Variants in CD180 observed in about 807,000 individuals in gnomAD.
The protein encoded by CD180 is CD180 molecule, also known as CD180 antigen.
A neutral mutation model predicts 10.7 loss-of-function variants in CD180; 11 were observed. That is an observed-to-expected ratio of 1.03 (90% CI 0.65 to 1.70). CD180 has a LOEUF of 1.70. CD180 is among the 40% of genes most tolerant of loss of function. The pLI, the probability that CD180 is intolerant of heterozygous loss-of-function variation, is 0.00. For missense variants in CD180, 729 were observed against 775.2 expected, an observed-to-expected ratio of 0.94 and a Z score of 0.71; for synonymous variants, 286 against 294.6, an observed-to-expected ratio of 0.97 and a Z score of 0.30.
intron 1 of CD180, 51 bp downstream of exon 1, chr5:67,196,501 C>T (rs761546034): frequency 6.3e-7 from 1 of 1,599,130 alleles, no homozygotes; most frequent in Non-Finnish European, 8.6e-7. Flanking sequence ...TGCTAAATCT[C>T]AAAATTTTCA....
At chr5:67,184,727 A>C in intron 2 of CD180, 142 bp from the exon 3 acceptor site, 1 of 693,614 alleles carries the variant, frequency 1.4e-6, no homozygotes, top group Non-Finnish European at 2.3e-6. Context: ...CAGATGGCCT[A>C]TTGAAGGAAT....
intron 1 of CD180, among the ~76,000 whole-genome samples, chr5:67,195,025 C>T (rs1353757366): frequency 6.6e-6 from 1 of 152,122 alleles, no homozygotes; most frequent in Non-Finnish European, 1.5e-5. Flanking sequence ...CAGGAAAGGC[C>T]ATGAGAGGAC....
chr5:67,189,383 A>G (rs1581828205), intron 1 of CD180, among the ~76,000 whole-genome samples: 1 of 152,342 alleles, frequency 6.6e-6, no homozygotes, highest in East Asian at 1.9e-4. Context: ...TAAATGAAGT[A>G]GCTTGGTTTC....
chr5:67,181,138 C>T lies in CD180; in HGVS notation c.*1719G>A, dbSNP rs1160644530. ...TCTTTAGGCAAAGACCCTCTCATGGCACTTGTATTTGGGAGAGACAAGACA... is the reference window on the plus strand; with the variant it reads ...TCTTTAGGCAAAGACCCTCTCATGGTACTTGTATTTGGGAGAGACAAGACA... On this transcript the variant is annotated 3_prime_UTR_variant, in exon 3 of 3. Coordinates refer to ENST00000256447, the MANE Select transcript of CD180 (RefSeq NM_005582.3). 6.6e-6 allele frequency: 1 copy of T among 152,116 alleles called. No homozygotes were observed. Among genetic ancestry groups the T allele is most frequent in the East Asian group, 1.9e-4 (1 of 5,188 alleles). The allele number at this position is 152,116 out of a possible 1,614,324, so 9.4% of individuals were successfully genotyped here.
At chr5:67,191,064 A>T (rs1561237404) in intron 1 of CD180, 2 of 985,422 alleles carry the variant, frequency 2.0e-6, no homozygotes, top group Non-Finnish European at 2.4e-6. Context: ...AAGTCGACTG[A>T]GCCAAATCCC....
chr5:67,194,192 C>T (rs942473678), intron 1 of CD180, among the ~76,000 whole-genome samples: 1 of 152,110 alleles, frequency 6.6e-6, no homozygotes, highest in Non-Finnish European at 1.5e-5. Flanking sequence ...GGTAATAGCC[C>T]TTCTTAAAAC....
Position 67,184,531 on chromosome 5 carries a change from G to C in CD180, c.312C>G (p.Ser104Arg). 6.2e-7 allele frequency: 1 copy of C among 1,608,782 alleles called. No homozygotes were observed. Among genetic ancestry groups the C allele is most frequent in the Non-Finnish European group, 8.5e-7 (1 of 1,175,396 alleles). The change falls in exon 3 of 3, where the codon AGC becomes AGG. Residue 104 changes from serine to arginine, a missense_variant. By Grantham distance (110) the Ser-to-Arg change is moderately radical (BLOSUM62 -1). Transcript: ENST00000256447. ...EDTFQSHHQL[S>R]TLVLTGNPLI... ...GGGGATTTCCAGTTAACACAAGTGT[G>C]CTTAATTGATGATGGCTTTGAAAAG...
chr5:67,183,369 G>T lies in CD180; in HGVS notation c.1474C>A (p.Leu492Ile), dbSNP rs766019282. ...ACCTCCAAGCTGCCCACGGTCTGAA[G>T]TAGGTTGGTCTTCGTGATAGTCCCA... ...QDGTITKTNL[L>I]QTVGSLEVLI... The change falls in exon 3 of 3, where the codon CTT becomes ATT. Residue 492 changes from leucine to isoleucine, a missense_variant. Physicochemically the swap from Leu to Ile is conservative, Grantham distance 5 (BLOSUM62 2). Transcript: ENST00000256447. 2 of 1,614,224 alleles carry T rather than the reference G, an allele frequency of 1.2e-6. No individual in the cohort carries two copies. Among genetic ancestry groups the T allele is most frequent in the East Asian group, 4.5e-5 (2 of 44,888 alleles).
intron 1 of CD180, among the ~76,000 whole-genome samples, chr5:67,194,929 A>T (rs1404307325): frequency 2.6e-5 from 4 of 152,218 alleles, no homozygotes; most frequent in South Asian, 2.1e-4. Flanking sequence ...CTGAGGTCAT[A>T]TAGGTGGGCC....
At chr5:67,191,853 A>G (rs1387347228) in intron 1 of CD180, among the ~76,000 whole-genome samples, 1 of 152,180 alleles carries the variant, frequency 6.6e-6, no homozygotes, top group Non-Finnish European at 1.5e-5. Flanking sequence ...GTAGGTTTGG[A>G]TATTTTTCCA....
At chr5:67,193,177 C>T (rs1742341287) in intron 1 of CD180, among the ~76,000 whole-genome samples, 5 of 152,164 alleles carry the variant, frequency 3.3e-5, no homozygotes, top group African/African-American at 1.2e-4. Context: ...CAAATTCCAC[C>T]TCAGAGAACT....
chr5:67,190,928 T>C (rs1742292696), intron 1 of CD180: 16 of 985,448 alleles, frequency 1.6e-5, no homozygotes, highest in Non-Finnish European at 1.8e-5. Context: ...CAAGTGCTTA[T>C]TCTCACCTTT....
chr5:67,183,121 T>C lies in CD180; in HGVS notation c.1722A>G (p.Leu574=). The C allele has an allele frequency of 6.2e-7, 1 of 1,610,154 alleles. No homozygotes were observed. The highest frequency in any genetic ancestry group is 2.2e-5 in the East Asian group (1 of 44,752). ...PILSQQSTIN[L]SHNPLDCTCS... is the part of the protein sequence containing the mutation. ...AAGTGCAGTCCAGGGGGTTATGACT[T>C]AAATTAATGGTGCTCTGCTGGGACA... The change falls in exon 3 of 3, where the codon TTA becomes TTG. Residue 574 remains leucine, a synonymous_variant. Coordinates refer to ENST00000256447, the MANE Select transcript of CD180 (RefSeq NM_005582.3).
chr5:67,188,795 A>C (rs1394536279), intron 1 of CD180, among the ~76,000 whole-genome samples: 1 of 152,226 alleles, frequency 6.6e-6, no homozygotes, highest in Non-Finnish European at 1.5e-5. Flanking sequence ...TATTGTGACA[A>C]CATTATAACT....
intron 1 of CD180, among the ~76,000 whole-genome samples, chr5:67,188,123 TTG>T (rs1742236216): frequency 6.6e-6 from 1 of 151,478 alleles, no homozygotes; most frequent in Admixed American, 6.6e-5. Flanking sequence ...TGAGCCAAGA[TTG>T]CACCACTGCA....
chr5:67,186,633 C>T (rs953808046), intron 1 of CD180, among the ~76,000 whole-genome samples: 2 of 152,114 alleles, frequency 1.3e-5, no homozygotes, highest in Non-Finnish European at 2.9e-5. Flanking sequence ...ACAAACAAAT[C>T]GACCTTAGAT....
rs781197790 is a variant in CD180 at position 67,183,537 on chromosome 5, C to T, written c.1306G>A (p.Ala436Thr). 1 of 1,614,158 alleles carries T rather than the reference C, an allele frequency of 6.2e-7. No individual in the cohort carries two copies. The highest frequency in any genetic ancestry group is 1.7e-5 in the Admixed American group (1 of 60,016). The change falls in exon 3 of 3, where the codon GCT (alanine) becomes ACT (threonine). Residue 436 changes from alanine to threonine, a missense_variant. Ala to Thr is a moderately conservative substitution (Grantham distance 58). Transcript: ENST00000256447. Reference sequence around the variant, plus strand: ...AGGTTTTGGAAGGGACTTTGTGGAGCATTAATGTGTAAGCGGGTAAATGCC... The same window carrying T: ...AGGTTTTGGAAGGGACTTTGTGGAGTATTAATGTGTAAGCGGGTAAATGCC... ...DLAFTRLHIN[A>T]PQSPFQNLHF...
At position 67,182,170 on chromosome 5, in the gene CD180, T is replaced by TG. The variant is rs1052872960; in HGVS notation, c.*686dup. 4.3e-4 allele frequency: 65 copies of TG among 152,294 alleles called. No homozygotes were observed. Among genetic ancestry groups the TG allele is most frequent in the African/African-American group, 1.4e-3 (59 of 41,548 alleles). 9.4% of individuals were successfully genotyped at this position (152,294 alleles called of 1,614,324 possible). On this transcript the variant is annotated 3_prime_UTR_variant, in exon 3 of 3. Transcript: ENST00000256447. ...CAAATGTGGAAGAAATTCTAAACCT[T>TG]GGGGGTGGGTTCTATTTTTTATAGC...
rs1561234450 is a variant in CD180, at chr5:67,184,232, A to G, written c.611T>C (p.Leu204Pro). The G allele has an allele frequency of 1.2e-6, 2 of 1,614,022 alleles. No individual in the cohort carries two copies. The change falls in exon 3 of 3, where the codon CTG becomes CCG. Residue 204 changes from leucine (L) to proline (P), a missense_variant. By Grantham distance (98) the Leu-to-Pro change is moderately conservative. Coordinates refer to ENST00000256447, the MANE Select transcript of CD180 (RefSeq NM_005582.3). ...RSLEQAINLSLNFNGNNVKGI... is the reference protein window; with the variant it reads ...RSLEQAINLSPNFNGNNVKGI... ...TTTAACATTATTGCCATTGAAGTTC[A>G]GGCTTAGGTTGATGGCCTGCTCCAG...
Sources: gnomAD v4.1 joint callset for allele counts (sites outside exome capture counted in the v4.1 genomes callset) on GRCh38, gnomAD v4.1.1 for gene constraint, MANE v1.5 for transcripts, NCBI Gene and HGNC (gene_info 2026-07-23, HGNC 2026-07-21) for gene names.